Variants in EZH1 observed in about 807,000 individuals in gnomAD.
EZH1 encodes the protein enhancer of zeste 1 polycomb repressive complex 2 subunit.
In EZH1, 33 loss-of-function variants were observed where a neutral mutation model predicts 100.5. That is an observed-to-expected ratio of 0.33 (90% CI 0.25 to 0.44). EZH1 has a LOEUF of 0.44. Among genes scored for constraint, EZH1 ranks in the 20% least tolerant of loss-of-function variants. The pLI, the probability that EZH1 is intolerant of heterozygous loss-of-function variation, is 1.00. For synonymous variants in EZH1, 272 were observed against 313.8 expected (o/e 0.87, Z 1.41); for missense variants, 475 against 928.4 (o/e 0.51, Z 6.35).
In EZH1 at chr17:42,724,351, A is replaced by G; in HGVS notation, c.320T>C (p.Leu107Ser). 1 of 1,614,138 alleles carries G rather than the reference A, an allele frequency of 6.2e-7. No homozygotes were observed. Among genetic ancestry groups the G allele is most frequent in the Non-Finnish European group, 8.5e-7 (1 of 1,179,984 alleles). Residue 107 changes from leucine to serine, a missense_variant, in exon 5 of 21, where the codon TTG (leucine) becomes TCG (serine). Transcript: ENST00000428826. ...GGACCAGGAATACATGATGGGAACCAATGCAACTGTGTTCAGTGACCTCAT... is the reference window on the plus strand; with the variant it reads ...GGACCAGGAATACATGATGGGAACCGATGCAACTGTGTTCAGTGACCTCAT... ...MLMRSLNTVA[L>S]VPIMYSWSPL...
At position 42,722,670 on chromosome 17, in the gene EZH1, A is replaced by G. The variant is rs1001666590; in HGVS notation, c.487+125T>C. The G allele has an allele frequency of 7.9e-6, 7 of 885,642 alleles. No individual in the cohort carries two copies. The Admixed American group carries it at 1.4e-4, about 18-fold the overall frequency. The allele number at this position is 885,642 out of a possible 1,614,324, so 54.9% of individuals were successfully genotyped here. A position where few individuals can be genotyped will look rare whatever the true frequency, so the allele number is the denominator to read the frequency against. The stretch of plus-strand genomic sequence containing the variant: ...AATTAACTCCCAGCCATGTGATGAC[A>G]TTGAAATATTCTGCAGTGTGTACCC... On this transcript the variant is annotated intron_variant, in intron 6 of 20. Coordinates refer to ENST00000428826, the MANE Select transcript of EZH1 (RefSeq NM_001991.5).
At chr17:42,717,175 AG>A (rs2053622022) in intron 10 of EZH1, among the ~76,000 whole-genome samples, 2 of 152,312 alleles carry the variant, frequency 1.3e-5, no homozygotes, top group South Asian at 4.1e-4. Flanking sequence ...AGGTATGTTA[AG>A]GGTCTACTAT....
chr17:42,710,644 T>C (rs2053461316), intron 12 of EZH1, among the ~76,000 whole-genome samples: 1 of 150,790 alleles, frequency 6.6e-6, no homozygotes, highest in Non-Finnish European at 1.5e-5. Context: ...TTTTTTTTTT[T>C]TTTAAGAGAG....
At chr17:42,741,866 G>A (rs912452640) in intron 1 of EZH1, among the ~76,000 whole-genome samples, 10 of 151,248 alleles carry the variant, frequency 6.6e-5, no homozygotes, top group African/African-American at 2.4e-4. Context: ...TTTTTGTAAT[G>A]TTTTTGTAGA....
At chr17:42,709,022 G>C in intron 13 of EZH1, 106 bp from the exon 14 acceptor site, 1 of 1,302,388 alleles carries the variant, frequency 7.7e-7, no homozygotes, top group Non-Finnish European at 1.1e-6. Flanking sequence ...TTGATGACTG[G>C]GGAGTATCTT....
chr17:42,727,966 AC>A (rs1306152273), intron 3 of EZH1, among the ~76,000 whole-genome samples: 2 of 147,948 alleles, frequency 1.4e-5, no homozygotes. Flanking sequence ...ACAGGCACAG[AC>A]CACCACACCT....
At chr17:42,703,090 T>C in intron 19 of EZH1, 129 bp from the exon 20 acceptor site, 1 of 826,094 alleles carries the variant, frequency 1.2e-6, no homozygotes, top group African/African-American at 1.7e-5. Flanking sequence ...AAGTAGTCAA[T>C]ATGGTAGTTG....
At chr17:42,727,180 C>T (rs2143826837) in intron 4 of EZH1, among the ~76,000 whole-genome samples, 1 of 152,212 alleles carries the variant, frequency 6.6e-6, no homozygotes, top group Non-Finnish European at 1.5e-5. Flanking sequence ...TGCAGATTTA[C>T]TATCTTAATT....
At chr17:42,729,576 A>G (rs2053897215) in intron 2 of EZH1, among the ~76,000 whole-genome samples, 2 of 26,270 alleles carry the variant, frequency 7.6e-5, no homozygotes, top group East Asian at 1.6e-3. Context: ...TAAAAATACA[A>G]AAAAAAAAAA....
At chr17:42,703,707 C>T (rs772289651) in intron 19 of EZH1, 33 bp downstream of exon 19, 6 of 1,505,086 alleles carry the variant, frequency 4.0e-6, no homozygotes, top group African/African-American at 1.4e-5. Flanking sequence ...GGCATCCATC[C>T]CCCACCCCAC....
At chr17:42,742,868 TCC>T (rs2054202003) in intron 1 of EZH1, among the ~76,000 whole-genome samples, 3 of 151,968 alleles carry the variant, frequency 2.0e-5, no homozygotes, top group African/African-American at 7.3e-5. Flanking sequence ...TACTTCTCTC[TCC>T]CTTTTTTTTT....
intron 1 of EZH1, among the ~76,000 whole-genome samples, chr17:42,731,285 A>T (rs568898991): frequency 7.3e-4 from 110 of 151,572 alleles, no homozygotes; most frequent in African/African-American, 2.3e-3. Context: ...AGCCGGCCAA[A>T]TTTTTTTGTA....
At chr17:42,733,423 C>T (rs1382998336) in intron 1 of EZH1, among the ~76,000 whole-genome samples, 7 of 151,312 alleles carry the variant, frequency 4.6e-5, no homozygotes, top group African/African-American at 1.7e-4. Context: ...GGGCGGATCA[C>T]GAGGTCAGGA....
chr17:42,729,509 T>A (rs1179496321), intron 2 of EZH1, among the ~76,000 whole-genome samples: 1 of 138,548 alleles, frequency 7.2e-6, no homozygotes, highest in Non-Finnish European at 1.6e-5. Context: ...TGGGTGGATC[T>A]TCTGAGGTCA....
intron 1 of EZH1, among the ~76,000 whole-genome samples, chr17:42,732,726 G>A (rs978739973): frequency 5.9e-5 from 9 of 152,112 alleles, no homozygotes; most frequent in Admixed American, 1.3e-4. Context: ...CCGAGATCGT[G>A]CCACTGCACT....
At chr17:42,708,733 A>G in intron 14 of EZH1, 143 bp downstream of exon 14, 1 of 843,784 alleles carries the variant, frequency 1.2e-6, no homozygotes, top group South Asian at 1.4e-5. Flanking sequence ...TGAGAGGCTC[A>G]GCTGTTCTCA....
At chr17:42,720,143 C>T in intron 7 of EZH1, 130 bp downstream of exon 7, 1 of 867,598 alleles carries the variant, frequency 1.2e-6, no homozygotes, top group Admixed American at 3.1e-5. Context: ...ACTTAATGAT[C>T]ATGTTCTCCT....
chr17:42,728,677 G>C (rs1189201380), intron 3 of EZH1, 148 bp downstream of exon 3: 1 of 678,530 alleles, frequency 1.5e-6, no homozygotes, highest in African/African-American at 1.9e-5. Context: ...GCGAGGTGGA[G>C]CTTGCAGTAA....
At chr17:42,720,846 G>A (rs2053692242) in intron 6 of EZH1, among the ~76,000 whole-genome samples, 1 of 151,940 alleles carries the variant, frequency 6.6e-6, no homozygotes, top group Non-Finnish European at 1.5e-5. Context: ...GTAGAGACTG[G>A]GTTTCTCCAT....
Sources: gnomAD v4.1 joint callset for allele counts (sites outside exome capture counted in the v4.1 genomes callset) on GRCh38, gnomAD v4.1.1 for gene constraint, MANE v1.5 for transcripts, NCBI Gene and HGNC (gene_info 2026-07-23, HGNC 2026-07-21) for gene names.